GRAMD1B: variants seen among roughly 807,000 people sequenced by gnomAD.
GRAMD1B encodes protein Aster-B.
In GRAMD1B, 37 loss-of-function variants were observed where a neutral mutation model predicts 99.7. The ratio of observed to expected loss-of-function variants is 0.37; its 90% CI spans 0.29 to 0.49. The LOEUF is 0.49. Among genes scored for constraint, GRAMD1B ranks in the 20% least tolerant of loss-of-function variants. GRAMD1B has a pLI of 0.98. For synonymous variants in GRAMD1B, 427 were observed against 387.6 expected, an observed-to-expected ratio of 1.10 and a Z score of -1.19; for missense variants, 888 against 1,009.2, an observed-to-expected ratio of 0.88 and a Z score of 1.63.
chr11:123,524,696 T>A (rs1220668963), intron 2 of GRAMD1B, among the ~76,000 whole-genome samples: 1 of 152,178 alleles, frequency 6.6e-6, no homozygotes, highest in African/African-American at 2.4e-5. Context: ...ATGATGTTCA[T>A]ACGACACGAG....
intron 2 of GRAMD1B, among the ~76,000 whole-genome samples, chr11:123,530,126 T>G (rs563790362): frequency 4.1e-4 from 62 of 152,232 alleles, no homozygotes; most frequent in African/African-American, 1.3e-3. Context: ...CTTGCTACTT[T>G]CACACTGTTT....
At chr11:123,572,683 G>C (rs1348790014) in intron 2 of GRAMD1B, among the ~76,000 whole-genome samples, 1 of 152,226 alleles carries the variant, frequency 6.6e-6, no homozygotes, top group Non-Finnish European at 1.5e-5. Flanking sequence ...GGGAGAGAGA[G>C]AGAGAGAGAG....
At chr11:123,601,902 T>C (rs1256149197) in intron 8 of GRAMD1B, among the ~76,000 whole-genome samples, 1 of 152,222 alleles carries the variant, frequency 6.6e-6, no homozygotes, top group Non-Finnish European at 1.5e-5. Flanking sequence ...TAACTGTGCT[T>C]GTCCTGATCG....
At chr11:123,388,613 G>A (rs535995677) in intron 1 of GRAMD1B, among the ~76,000 whole-genome samples, 3 of 152,236 alleles carry the variant, frequency 2.0e-5, no homozygotes, top group Admixed American at 2.0e-4. Context: ...GGTTGAAGCT[G>A]CAGTGAGCTA....
Position 123,606,689 on chromosome 11 carries a change from G to A in GRAMD1B, c.1404G>A (p.Met468Ile). The A allele has an allele frequency of 6.2e-7, 1 of 1,613,448 alleles. No homozygotes were observed. The highest frequency in any genetic ancestry group is 8.5e-7 in the Non-Finnish European group (1 of 1,179,662). The change falls in exon 11 of 20, where the codon ATG (methionine) becomes ATA (isoleucine). Residue 468 changes from methionine (M) to isoleucine (I), a missense_variant. By Grantham distance (10) the Met-to-Ile change is conservative. Coordinates refer to ENST00000635736, the MANE Select transcript of GRAMD1B (RefSeq NM_001387025.1). Reference protein sequence around the residue: ...LEKELAIDNIMGEKIEMIAPV... With the variant: ...LEKELAIDNIIGEKIEMIAPV... ...AGGAGCTCGCCATTGACAACATCAT[G>A]GGGGAGAAGATTGAGATGATCGCTC...
chr11:123,371,446 G>T (rs1156697746), intron 1 of GRAMD1B, among the ~76,000 whole-genome samples: 6 of 151,962 alleles, frequency 3.9e-5, no homozygotes, highest in Non-Finnish European at 7.4e-5. Flanking sequence ...TTTTTTAAAG[G>T]TTGAGTTATT....
chr11:123,625,229 C>T lies in GRAMD1B; in HGVS notation c.*2634C>T, dbSNP rs1394811619. ...CATTTGCCTGGCTAGTTGCTGTCTACAAGGGAGCATCAAAACATCACTACT... is the reference window on the plus strand; with the variant it reads ...CATTTGCCTGGCTAGTTGCTGTCTATAAGGGAGCATCAAAACATCACTACT... On this transcript the variant is annotated 3_prime_UTR_variant, in exon 20 of 20. Transcript: ENST00000635736. 6.6e-6 allele frequency: 1 copy of T among 152,178 alleles called. No individual in the cohort carries two copies. The highest frequency in any genetic ancestry group is 6.5e-5 in the Admixed American group (1 of 15,284). The allele number at this position is 152,178 out of a possible 1,614,324, so 9.4% of individuals were successfully genotyped here.
Position 123,434,077 on chromosome 11 carries a change from A to G in GRAMD1B, c.374+2911A>G, listed in dbSNP as rs181204332. ...AAACACCGTCTCTACTAAAAATACA[A>G]AAATTAGCCAGGTGTGGTGGTGGAC... On this transcript the variant is annotated intron_variant, in intron 1 of 19. Coordinates refer to ENST00000635736, the MANE Select transcript of GRAMD1B (RefSeq NM_001387025.1). Among the ~76,000 whole-genome samples the G allele has an allele frequency of 3.3e-5, 5 of 152,090 alleles. No homozygotes were observed. In the East Asian group the frequency reaches 9.7e-4, roughly 29 times the overall value.
rs949008300 is a variant in GRAMD1B at position 123,566,962 on chromosome 11, G to A, written c.453-10405G>A. ...ACAACAAGAAAACAAGACAATTTCC[G>A]CTCCTATAAGGGCAGTGAAAAGAAA... On this transcript the variant is annotated intron_variant, in intron 2 of 19. Coordinates refer to ENST00000635736, the MANE Select transcript of GRAMD1B (RefSeq NM_001387025.1). Among the ~76,000 whole-genome samples, 7 of 152,140 alleles carry A rather than the reference G, an allele frequency of 4.6e-5. No homozygotes were observed. The East Asian group carries it at 9.6e-4, about 21-fold the overall frequency.
At chr11:123,460,799 G>A (rs370382719) in intron 1 of GRAMD1B, among the ~76,000 whole-genome samples, 1 of 152,106 alleles carries the variant, frequency 6.6e-6, no homozygotes, top group Admixed American at 6.5e-5. Flanking sequence ...CTTGAGCTCC[G>A]AGGTCACTAG....
intron 1 of GRAMD1B, among the ~76,000 whole-genome samples, chr11:123,472,343 G>T (rs1483700158): frequency 6.6e-6 from 1 of 152,096 alleles, no homozygotes; most frequent in Admixed American, 6.5e-5. Context: ...TTAGTGATAT[G>T]GTTTCACCCT....
Position 123,548,290 on chromosome 11 carries a change from AAATATATATATAT to A in GRAMD1B, c.453-29075_453-29063del, listed in dbSNP as rs1383474286. On this transcript the variant is annotated intron_variant, in intron 2 of 19. Transcript: ENST00000635736. ...AAATTGGAAGAGTCAGGCTGTGCCA[AAATATATATATAT>A]ATATATATATATATATATATATACA... Among the ~76,000 whole-genome samples the A allele has an allele frequency of 9.6e-4, 56 of 58,158 alleles. 1 individual carries two copies. Among genetic ancestry groups the A allele is most frequent in the African/African-American group, 4.5e-3 (54 of 12,020 alleles). The allele number at this position is 58,158 out of a possible 152,430, so 38.2% of individuals were successfully genotyped here.
intron 2 of GRAMD1B, among the ~76,000 whole-genome samples, chr11:123,501,740 T>C (rs1939887447): frequency 6.6e-6 from 1 of 152,234 alleles, no homozygotes; most frequent in Non-Finnish European, 1.5e-5. Context: ...ATGATCTAGT[T>C]AAAGATGCCT....
At chr11:123,403,451 A>ATGATG (rs1565476644) in intron 1 of GRAMD1B, among the ~76,000 whole-genome samples, 2 of 47,210 alleles carry the variant, frequency 4.2e-5, no homozygotes, top group Admixed American at 1.7e-4. Context: ...TGATGATGAT[A>ATGATG]ATAATAATAA....
At chr11:123,600,704 C>T (rs977334366) in intron 8 of GRAMD1B, among the ~76,000 whole-genome samples, 156 bp downstream of exon 8, 17 of 152,116 alleles carry the variant, frequency 1.1e-4, no homozygotes, top group African/African-American at 4.1e-4. Context: ...CACGAATGGC[C>T]TCAACACCCC....
intron 1 of GRAMD1B, among the ~76,000 whole-genome samples, chr11:123,420,194 G>T (rs1033044722): frequency 3.3e-5 from 5 of 152,142 alleles, no homozygotes; most frequent in African/African-American, 1.2e-4. Flanking sequence ...GAACATAGTG[G>T]AGACTTAGGC....
intron 2 of GRAMD1B, among the ~76,000 whole-genome samples, chr11:123,566,619 A>G (rs1947401097): frequency 1.3e-5 from 2 of 152,158 alleles, no homozygotes; most frequent in African/African-American, 4.8e-5. Flanking sequence ...ACAAAAAATT[A>G]GCCACGCGTG....
chr11:123,600,364 T>G, intron 7 of GRAMD1B, 104 bp from the exon 8 acceptor site: 1 of 707,364 alleles, frequency 1.4e-6, no homozygotes, highest in South Asian at 1.8e-5. Flanking sequence ...CATTAGTGTT[T>G]GAGGATGAAG....
intron 2 of GRAMD1B, among the ~76,000 whole-genome samples, chr11:123,503,317 T>A (rs1190549274): frequency 1.3e-5 from 2 of 152,172 alleles, no homozygotes; most frequent in African/African-American, 2.4e-5. Flanking sequence ...GTGGTGCGAT[T>A]GTGCCTGGAG....
Sources: allele counts gnomAD v4.1 joint callset (sites outside exome capture counted in the v4.1 genomes callset), GRCh38; gene constraint gnomAD v4.1.1; transcripts MANE v1.5; gene names NCBI Gene and HGNC (gene_info 2026-07-23, HGNC 2026-07-21).